PTPRD: variants seen among roughly 807,000 people sequenced by gnomAD.
PTPRD encodes the protein protein tyrosine phosphatase receptor type D, also known as receptor-type tyrosine-protein phosphatase delta.
In PTPRD, 34 loss-of-function variants were observed where a neutral mutation model predicts 214.5. The observed-to-expected ratio is 0.16, with a 90% confidence interval of 0.12 to 0.21. PTPRD has a LOEUF of 0.21. Among genes scored for constraint, PTPRD ranks in the 10% least tolerant of loss-of-function variants. PTPRD has a pLI of 1.00. For synonymous variants in PTPRD, 1,128 were observed against 845.7 expected (o/e 1.33, Z -5.79); for missense variants, 2,545 against 2,398.7 (o/e 1.06, Z -1.27).
chr9:9,136,914 G>A (rs1473762022), intron 10 of PTPRD, among the ~76,000 whole-genome samples: 1 of 152,106 alleles, frequency 6.6e-6, no homozygotes, highest in South Asian at 2.1e-4. Context: ...CAACTGGTAG[G>A]GGATTTACTC....
chr9:9,632,045 G>T (rs1353161446), intron 7 of PTPRD, among the ~76,000 whole-genome samples: 5 of 152,082 alleles, frequency 3.3e-5, no homozygotes, highest in Non-Finnish European at 7.4e-5. Flanking sequence ...AAGATACTAG[G>T]AACAAAATAG....
intron 39 of PTPRD, among the ~76,000 whole-genome samples, chr9:8,369,747 C>T (rs923496261): frequency 6.6e-6 from 1 of 151,758 alleles, no homozygotes; most frequent in African/African-American, 2.4e-5. Context: ...GTTAATGTGA[C>T]ATAAGATTTA....
At chr9:8,979,833 A>T (rs2099298654) in intron 11 of PTPRD, among the ~76,000 whole-genome samples, 1 of 152,066 alleles carries the variant, frequency 6.6e-6, no homozygotes. Context: ...GAACCTTCCT[A>T]AACAAATTAC....
intron 12 of PTPRD, among the ~76,000 whole-genome samples, chr9:8,724,292 A>C (rs569411988): frequency 6.6e-6 from 1 of 152,316 alleles, no homozygotes; most frequent in Non-Finnish European, 1.5e-5. Flanking sequence ...TTCACTCTAA[A>C]TTTTAACAAT....
intron 11 of PTPRD, among the ~76,000 whole-genome samples, chr9:8,736,759 C>T (rs998451140): frequency 3.3e-5 from 5 of 151,308 alleles, no homozygotes; most frequent in African/African-American, 7.3e-5. Flanking sequence ...CAGTGGAAAA[C>T]TTCTTGAATC....
rs190327969 is a variant in PTPRD, at chr9:9,298,460, A to G, written c.-203+98989T>C. Among the ~76,000 whole-genome samples, 8 of 151,876 alleles carry G rather than the reference A, an allele frequency of 5.3e-5. No homozygotes were observed. The East Asian group carries it at 1.6e-3, about 30-fold the overall frequency. On this transcript the variant is annotated intron_variant, in intron 9 of 45. Transcript: ENST00000381196. ...CATGGCAGATGGAATACACTTAAAA[A>G]GTTGTAATAGGGTAAGATACTGGCT...
intron 4 of PTPRD, among the ~76,000 whole-genome samples, chr9:9,977,430 G>A (rs1158774070): frequency 2.0e-5 from 3 of 152,176 alleles, no homozygotes; most frequent in Non-Finnish European, 2.9e-5. Context: ...GAAGCATAGA[G>A]TTTTGTACTC....
At position 8,314,980 on chromosome 9, in the gene PTPRD, T is replaced by C. The variant is rs1248781029; in HGVS notation, c.*2894A>G. On this transcript the variant is annotated 3_prime_UTR_variant, in exon 46 of 46. Coordinates refer to ENST00000381196, the MANE Select transcript of PTPRD (RefSeq NM_002839.4). The stretch of plus-strand genomic sequence containing the variant: ...AAATAAAGTTCTGTACAAATCACTT[T>C]TTATATATTTTGATTTTTTTTACCA... The C allele has an allele frequency of 4.3e-6, 1 of 232,444 alleles. No homozygotes were observed. Among genetic ancestry groups the C allele is most frequent in the African/African-American group, 2.2e-5 (1 of 45,258 alleles). 14.4% of individuals were successfully genotyped at this position (232,444 alleles called of 1,614,324 possible).
At chr9:10,547,753 T>C (rs998026823) in intron 2 of PTPRD, among the ~76,000 whole-genome samples, 24 of 151,962 alleles carry the variant, frequency 1.6e-4, no homozygotes, top group Non-Finnish European at 2.9e-5. Flanking sequence ...TTTAAAAATA[T>C]AGAAGAGGTG....
chr9:9,705,276 A>G (rs767521789), intron 7 of PTPRD, among the ~76,000 whole-genome samples: 2 of 152,348 alleles, frequency 1.3e-5, no homozygotes, highest in Admixed American at 1.3e-4. Flanking sequence ...TTAGGATTTT[A>G]GCAGCATTTT....
Position 10,510,082 on chromosome 9 carries a change from C to A in PTPRD, c.-600+102316G>T, listed in dbSNP as rs140564433. Among the ~76,000 whole-genome samples, 18 of 152,118 alleles carry A rather than the reference C, an allele frequency of 1.2e-4. No individual in the cohort carries two copies. The East Asian group carries it at 3.3e-3, about 28-fold the overall frequency. ...TTAATTTCAGAATTTCAACCAGTAA[C>A]CCTTTAAGGATCAAAATTATCAACT... On this transcript the variant is annotated intron_variant, in intron 2 of 45. Coordinates refer to ENST00000381196, the MANE Select transcript of PTPRD (RefSeq NM_002839.4).
At chr9:9,391,153 T>TTCTC (rs77254810) in intron 9 of PTPRD, among the ~76,000 whole-genome samples, 40,232 of 151,910 alleles carry the variant, frequency 0.26, 5,449 homozygotes, top group Middle Eastern at 0.3. Flanking sequence ...ATCAGGGATA[T>TTCTC]TCTATGTTAC....
chr9:10,239,915 G>A (rs1284608009), intron 3 of PTPRD, among the ~76,000 whole-genome samples: 1 of 151,706 alleles, frequency 6.6e-6, no homozygotes, highest in Non-Finnish European at 1.5e-5. Flanking sequence ...AAAGCCAGCT[G>A]TAAAACCTAA....
rs141887437 is a variant in PTPRD, at chr9:9,103,819, A to G, written c.-143+79485T>C. On this transcript the variant is annotated intron_variant, in intron 10 of 45. Coordinates refer to ENST00000381196, the MANE Select transcript of PTPRD (RefSeq NM_002839.4). ...AACACGATGAAACCCTGTCTCTACA[A>G]AAAATACAAAAAATTAGCTGGGCGT... Among the ~76,000 whole-genome samples, 38 of 152,182 alleles carry G rather than the reference A, an allele frequency of 2.5e-4. No homozygotes were observed. The East Asian group carries it at 6.4e-3, about 26-fold the overall frequency.
At chr9:9,150,334 G>T (rs62529505) in intron 10 of PTPRD, among the ~76,000 whole-genome samples, 20 of 151,120 alleles carry the variant, frequency 1.3e-4, no homozygotes, top group Non-Finnish European at 2.8e-4. Flanking sequence ...GCTAGCGTAG[G>T]GTTGGGGGAT....
chr9:9,003,368 T>C (rs899488372), intron 11 of PTPRD, among the ~76,000 whole-genome samples: 3 of 152,042 alleles, frequency 2.0e-5, no homozygotes, highest in Non-Finnish European at 4.4e-5. Flanking sequence ...GCCTGTCCTT[T>C]TGTTACCCAA....
chr9:10,431,055 C>A (rs1178280957), intron 2 of PTPRD, among the ~76,000 whole-genome samples: 1 of 151,940 alleles, frequency 6.6e-6, no homozygotes, highest in Non-Finnish European at 1.5e-5. Context: ...TATGAACTAC[C>A]AGAGAATAAT....
chr9:9,671,218 A>G (rs1594817566), intron 7 of PTPRD, among the ~76,000 whole-genome samples: 1 of 152,056 alleles, frequency 6.6e-6, no homozygotes, highest in African/African-American at 2.4e-5. Flanking sequence ...GGAGCTTTAA[A>G]ATTTGACTGC....
At chr9:9,396,693 C>T (rs1269334805) in intron 9 of PTPRD, among the ~76,000 whole-genome samples, 1 of 152,020 alleles carries the variant, frequency 6.6e-6, no homozygotes, top group Admixed American at 6.6e-5. Flanking sequence ...TCTTTCATAA[C>T]ATTTTCCTTA....
Sources: allele counts gnomAD v4.1 joint callset (sites outside exome capture counted in the v4.1 genomes callset), GRCh38; gene constraint gnomAD v4.1.1; transcripts MANE v1.5; gene names NCBI Gene and HGNC (gene_info 2026-07-23, HGNC 2026-07-21).